The following DNER variants were observed in gnomAD, a reference collection of about 807,000 sequenced individuals.
DNER encodes the protein delta and Notch-like epidermal growth factor-related receptor.
In DNER, 33 loss-of-function variants were observed where a neutral mutation model predicts 78.2. The observed-to-expected ratio is 0.42, with a 90% CI of 0.32 to 0.56. The LOEUF (loss-of-function observed/expected upper bound fraction) is 0.56, where lower values mean the gene tolerates loss of function less well. Ranked by LOEUF, DNER falls within the 20% of genes least tolerant of loss-of-function variation. The probability of loss-of-function intolerance (pLI) is 0.11; values close to 1 mark genes in which losing one functional copy is unlikely to be tolerated. For missense variants in DNER, 918 were observed against 975.3 expected (o/e 0.94, Z 0.78); for synonymous variants, 417 against 384.8 (o/e 1.08, Z -0.98).
intron 4 of DNER, among the ~76,000 whole-genome samples, chr2:229,580,537 T>G (rs1392465663): frequency 6.6e-6 from 1 of 151,384 alleles, no homozygotes; most frequent in East Asian, 1.9e-4. Context: ...GAGAACAGAA[T>G]GAAGGAAGAG....
intron 1 of DNER, among the ~76,000 whole-genome samples, chr2:229,623,958 G>A (rs910760062): frequency 6.6e-6 from 1 of 152,234 alleles, no homozygotes; most frequent in African/African-American, 2.4e-5. Flanking sequence ...GGCCTCACGT[G>A]AATAACCAAC....
At chr2:229,367,870 A>G (rs887406153) in intron 11 of DNER, among the ~76,000 whole-genome samples, 2 of 152,206 alleles carry the variant, frequency 1.3e-5, no homozygotes, top group African/African-American at 4.8e-5. Context: ...ATGCTGGGGA[A>G]GTAGCTCAGG....
rs142335944 is a variant in DNER at position 229,596,978 on chromosome 2, C to T, written c.277-5090G>A. Among the ~76,000 whole-genome samples, 141 of 151,806 alleles carry T rather than the reference C, an allele frequency of 9.3e-4. 1 individual carries two copies. The highest frequency in any genetic ancestry group is 3.1e-3 in the African/African-American group (130 of 41,398). ...GCACGCATATACATGCACACACCTG[C>T]GCACACACATGCACACGCACACATA... On this transcript the variant is annotated intron_variant, in intron 1 of 12. Transcript: ENST00000341772.
chr2:229,477,774 A>T (rs965646249), intron 6 of DNER, among the ~76,000 whole-genome samples: 1 of 152,228 alleles, frequency 6.6e-6, no homozygotes, highest in South Asian at 2.1e-4. Flanking sequence ...CACTTTAAAG[A>T]TAAAGAGATT....
intron 5 of DNER, among the ~76,000 whole-genome samples, chr2:229,540,991 T>G (rs16826161): frequency 0.023 from 3,440 of 152,332 alleles, 125 homozygotes; most frequent in African/African-American, 0.079. Context: ...TATGGGATTG[T>G]TATTGAACCA....
intron 1 of DNER, among the ~76,000 whole-genome samples, chr2:229,646,702 G>T (rs1267548059): frequency 6.6e-6 from 1 of 152,248 alleles, no homozygotes; most frequent in Non-Finnish European, 1.5e-5. Context: ...ACAACCTTCT[G>T]ACATCCACTT....
At chr2:229,413,617 G>A (rs1323656025) in intron 9 of DNER, among the ~76,000 whole-genome samples, 2 of 151,008 alleles carry the variant, frequency 1.3e-5, no homozygotes, top group African/African-American at 4.9e-5. Context: ...CACCGCCCCC[G>A]GCCTTTTTTC....
chr2:229,648,483 G>C (rs932771941), intron 1 of DNER, among the ~76,000 whole-genome samples: 6 of 152,078 alleles, frequency 3.9e-5, no homozygotes, highest in Non-Finnish European at 7.3e-5. Context: ...AGAGCTTTTG[G>C]GTGCTTGAAA....
intron 7 of DNER, among the ~76,000 whole-genome samples, chr2:229,471,582 C>T (rs1356194115): frequency 6.6e-6 from 1 of 152,046 alleles, no homozygotes; most frequent in Non-Finnish European, 1.5e-5. Flanking sequence ...GCATAGGGTC[C>T]CTTAAAGGTA....
chr2:229,681,528 T>A (rs984877919), intron 1 of DNER, among the ~76,000 whole-genome samples: 1 of 152,122 alleles, frequency 6.6e-6, no homozygotes, highest in Non-Finnish European at 1.5e-5. Context: ...CAAAATAGTT[T>A]CATTTAATAA....
chr2:229,544,490 T>C (rs1032429666), intron 5 of DNER, among the ~76,000 whole-genome samples: 1 of 151,840 alleles, frequency 6.6e-6, no homozygotes, highest in Non-Finnish European at 1.5e-5. Context: ...AGAAAAATGT[T>C]ATATATCTAT....
intron 9 of DNER, among the ~76,000 whole-genome samples, chr2:229,410,471 C>T (rs961582502): frequency 1.3e-5 from 2 of 152,180 alleles, no homozygotes; most frequent in East Asian, 3.8e-4. Context: ...TTCCAAATTC[C>T]AAATCTGCCT....
intron 7 of DNER, among the ~76,000 whole-genome samples, chr2:229,467,037 G>C (rs368477984): frequency 5.5e-4 from 83 of 152,206 alleles, no homozygotes; most frequent in South Asian, 2.5e-3. Flanking sequence ...GTCAAGTCTT[G>C]GACTGTCACG....
intron 6 of DNER, among the ~76,000 whole-genome samples, chr2:229,483,391 G>T (rs1243872217): frequency 2.0e-5 from 3 of 152,190 alleles, no homozygotes; most frequent in African/African-American, 7.2e-5. Context: ...TTCGTGTCTG[G>T]TTTAAGCTAA....
intron 6 of DNER, among the ~76,000 whole-genome samples, chr2:229,496,683 G>A (rs1442652814): frequency 6.6e-6 from 1 of 152,134 alleles, no homozygotes; most frequent in African/African-American, 2.4e-5. Flanking sequence ...TAGAATTTGA[G>A]TCAAAAACTG....
intron 4 of DNER, among the ~76,000 whole-genome samples, chr2:229,567,966 T>C (rs1480529502): frequency 6.6e-6 from 1 of 152,192 alleles, no homozygotes; most frequent in Non-Finnish European, 1.5e-5. Context: ...CTCACAGTCT[T>C]TACTGTCCAA....
chr2:229,394,476 G>C (rs1219001820), intron 10 of DNER, among the ~76,000 whole-genome samples: 2 of 152,236 alleles, frequency 1.3e-5, no homozygotes, highest in Non-Finnish European at 2.9e-5. Context: ...TTTGGGGGCA[G>C]GTTTGCAGAG....
chr2:229,510,820 A>G (rs189274025), intron 6 of DNER, among the ~76,000 whole-genome samples: 2 of 152,310 alleles, frequency 1.3e-5, no homozygotes, highest in East Asian at 3.9e-4. Context: ...TAACTGTTCA[A>G]ATGAATGAGG....
chr2:229,396,569 C>T (rs1163240404), intron 10 of DNER, among the ~76,000 whole-genome samples: 1 of 152,170 alleles, frequency 6.6e-6, no homozygotes, highest in Non-Finnish European at 1.5e-5. Flanking sequence ...CCCATCTGTG[C>T]TGTACTCAGT....
Sources: gnomAD v4.1 joint callset for allele counts (sites outside exome capture counted in the v4.1 genomes callset) on GRCh38, gnomAD v4.1.1 for gene constraint, MANE v1.5 for transcripts, NCBI Gene and HGNC (gene_info 2026-07-23, HGNC 2026-07-21) for gene names.